Variants in CDH4 observed in about 807,000 individuals in gnomAD.
CDH4 encodes the protein cadherin 4.
Under a neutral mutation model 86.0 loss-of-function variants are expected in CDH4, and 33 were observed. The observed-to-expected ratio is 0.38, with a 90% CI of 0.29 to 0.51. CDH4 has a LOEUF of 0.51. Among genes scored for constraint, CDH4 ranks in the 20% least tolerant of loss-of-function variants. The pLI is 0.86. For missense variants in CDH4, 1,114 were observed against 1,307.4 expected (o/e 0.85, Z 2.28); for synonymous variants, 555 against 549.4 (o/e 1.01, Z -0.14).
At chr20:61,427,375 G>T (rs1009176562) in intron 2 of CDH4, among the ~76,000 whole-genome samples, 1 of 152,222 alleles carries the variant, frequency 6.6e-6, no homozygotes, top group Non-Finnish European at 1.5e-5. Context: ...AAAGGCCAGA[G>T]GCATTAGCAA....
chr20:61,500,355 G>A (rs987837633), intron 2 of CDH4, among the ~76,000 whole-genome samples: 3 of 152,214 alleles, frequency 2.0e-5, no homozygotes, highest in South Asian at 2.1e-4. Context: ...GAATTGCAGC[G>A]TGAATTAAGA....
chr20:61,252,673 G>C lies in CDH4; in HGVS notation c.57+103G>C, dbSNP rs1045033245. The C allele has an allele frequency of 3.2e-6, 2 of 620,364 alleles. No homozygotes were observed. The highest frequency in any genetic ancestry group is 4.9e-5 in the Admixed American group (1 of 20,504). The allele number at this position is 620,364 out of a possible 1,614,324, so 38.4% of individuals were successfully genotyped here. On this transcript the variant is annotated intron_variant, in intron 1 of 15. Coordinates refer to ENST00000614565, the MANE Select transcript of CDH4 (RefSeq NM_001794.5). This position sits in a 1 kb window ranked among gnomAD's most constrained non-coding sequence, Gnocchi z 4.4. ...CACACACCCGGCGGGGCTCTCCCGG[G>C]CTCCCCCGCCGCGCTCCCCGCTGCA...
intron 4 of CDH4, among the ~76,000 whole-genome samples, chr20:61,781,867 A>G (rs144614871): frequency 6.6e-6 from 1 of 152,342 alleles, no homozygotes; most frequent in African/African-American, 2.4e-5. Context: ...AAGTAGAGGA[A>G]AAGGTGCAAT....
chr20:61,831,101 C>A lies in CDH4; in HGVS notation c.577-13567C>A, dbSNP rs530850667. On this transcript the variant is annotated intron_variant, in intron 4 of 15. Transcript: ENST00000614565. ...GGGGAGCTTTTGTGAATGGAGTTTGCTTGAAATCGATCTTCTCAGCCTCCT... is the reference window on the plus strand; with the variant it reads ...GGGGAGCTTTTGTGAATGGAGTTTGATTGAAATCGATCTTCTCAGCCTCCT... Among the ~76,000 whole-genome samples the A allele has an allele frequency of 3.9e-5, 6 of 152,258 alleles. No homozygotes were observed. In the South Asian group the frequency reaches 1.2e-3, roughly 32 times the overall value.
chr20:61,257,869 G>C (rs913848934), intron 2 of CDH4, among the ~76,000 whole-genome samples: 2 of 152,220 alleles, frequency 1.3e-5, no homozygotes, highest in African/African-American at 4.8e-5. Flanking sequence ...TCGTAGAGGC[G>C]GGAGAGTCCT....
intron 2 of CDH4, among the ~76,000 whole-genome samples, chr20:61,578,999 C>T (rs570148504): frequency 7.2e-4 from 109 of 152,196 alleles, no homozygotes; most frequent in African/African-American, 2.5e-3. Context: ...GTTCCATCCC[C>T]GACCCTGACC....
At chr20:61,868,964 G>A (rs934760165) in intron 6 of CDH4, among the ~76,000 whole-genome samples, 4 of 152,076 alleles carry the variant, frequency 2.6e-5, no homozygotes, top group Non-Finnish European at 4.4e-5. Context: ...GCCTCTAGAC[G>A]TGGCAAACGT....
At chr20:61,286,519 A>G (rs901195737) in intron 2 of CDH4, among the ~76,000 whole-genome samples, 1 of 152,242 alleles carries the variant, frequency 6.6e-6, no homozygotes, top group Non-Finnish European at 1.5e-5. Context: ...GTTTCAGTTC[A>G]GAAGTCAAGA....
intron 8 of CDH4, among the ~76,000 whole-genome samples, chr20:61,895,894 C>T (rs1182402032): frequency 6.6e-6 from 1 of 152,172 alleles, no homozygotes; most frequent in African/African-American, 2.4e-5. Context: ...ATCATGGGCA[C>T]GTGGCCCAGC....
At chr20:61,483,896 T>C (rs1230836901) in intron 2 of CDH4, among the ~76,000 whole-genome samples, 3 of 152,120 alleles carry the variant, frequency 2.0e-5, no homozygotes, top group South Asian at 2.1e-4. Context: ...AAGCTTGTAG[T>C]GTAGTTTTAT....
rs140771949 is a variant in CDH4, at chr20:61,581,730, G to T, written c.170-161833G>T. ...CCCCGACTGCATCAGCTCTGCCAGG[G>T]TCTTTGGCTGTCTGAGCTGTGTTCC... On this transcript the variant is annotated intron_variant, in intron 2 of 15. Coordinates refer to ENST00000614565, the MANE Select transcript of CDH4 (RefSeq NM_001794.5). 1.8e-4 allele frequency among the ~76,000 whole-genome samples: 27 copies of T among 152,310 alleles called. No homozygotes were observed. In the East Asian group the frequency reaches 5.0e-3, roughly 28 times the overall value.
chr20:61,878,516 G>A (rs1354610992), intron 7 of CDH4, among the ~76,000 whole-genome samples: 9 of 152,214 alleles, frequency 5.9e-5, no homozygotes, highest in Non-Finnish European at 1.3e-4. Context: ...GCTTCCATTA[G>A]GGAAGCTGCC....
At chr20:61,290,492 T>G (rs560854973) in intron 2 of CDH4, among the ~76,000 whole-genome samples, 6 of 151,128 alleles carry the variant, frequency 4.0e-5, no homozygotes, top group African/African-American at 1.5e-4. Flanking sequence ...CTTGCTGGAT[T>G]TATCCCCATA....
intron 2 of CDH4, among the ~76,000 whole-genome samples, chr20:61,359,301 T>C (rs918638409): frequency 6.6e-6 from 1 of 152,098 alleles, no homozygotes; most frequent in Admixed American, 6.5e-5. Flanking sequence ...GGTCACTCAT[T>C]TGTCAGCTAC....
chr20:61,764,846 C>A (rs2088680392), intron 3 of CDH4, among the ~76,000 whole-genome samples: 1 of 152,148 alleles, frequency 6.6e-6, no homozygotes, highest in African/African-American at 2.4e-5. Context: ...AGCAGGGAAG[C>A]CTCATGCAGG....
intron 2 of CDH4, among the ~76,000 whole-genome samples, chr20:61,459,315 G>A (rs1038974587): frequency 6.6e-6 from 1 of 152,028 alleles, no homozygotes; most frequent in African/African-American, 2.4e-5. Flanking sequence ...TCACTTGTGG[G>A]GTTGGGTCAG....
chr20:61,897,764 T>C (rs1401671771), intron 8 of CDH4, among the ~76,000 whole-genome samples: 1 of 152,224 alleles, frequency 6.6e-6, no homozygotes, highest in African/African-American at 2.4e-5. Context: ...AGATGGGCCA[T>C]TGTCCATCCT....
intron 2 of CDH4, among the ~76,000 whole-genome samples, chr20:61,367,418 G>A (rs560091997): frequency 6.6e-6 from 1 of 152,254 alleles, no homozygotes; most frequent in Admixed American, 6.5e-5. Context: ...AATGGAGAAA[G>A]TAAGAAAGTG....
chr20:61,478,832 C>T (rs1007265029), intron 2 of CDH4, among the ~76,000 whole-genome samples: 2 of 152,238 alleles, frequency 1.3e-5, no homozygotes, highest in African/African-American at 4.8e-5. Context: ...CGTGTGGGCA[C>T]CTGCTTCTGT....
Sources: allele counts gnomAD v4.1 joint callset (sites outside exome capture counted in the v4.1 genomes callset), GRCh38; gene constraint gnomAD v4.1.1; non-coding constraint Gnocchi (gnomAD v3.1); transcripts MANE v1.5; gene names NCBI Gene and HGNC (gene_info 2026-07-23, HGNC 2026-07-21).